GCNT2: variants seen among roughly 807,000 people sequenced by gnomAD.
GCNT2 encodes N-acetyllactosaminide beta-1,6-N-acetylglucosaminyl-transferase.
In GCNT2, 34 loss-of-function variants were observed where a neutral mutation model predicts 34.2. That is an observed-to-expected ratio of 1.00 (90% CI 0.76 to 1.32). The LOEUF (loss-of-function observed/expected upper bound fraction) is 1.32, where lower values mean the gene tolerates loss of function less well. Among genes scored for constraint, GCNT2 ranks in the 40% most tolerant of loss-of-function variants. The pLI is 0.00. For synonymous variants in GCNT2, 212 were observed against 188.0 expected (o/e 1.13, Z -1.04); for missense variants, 584 against 489.4 (o/e 1.19, Z -1.82).
At chr6:10,577,686 G>A (rs1400207286) in intron 3 of GCNT2, among the ~76,000 whole-genome samples, 4 of 151,920 alleles carry the variant, frequency 2.6e-5, no homozygotes, top group East Asian at 1.9e-4. Context: ...GATTACAGGC[G>A]TCTGCCACCA....
intron 3 of GCNT2, among the ~76,000 whole-genome samples, chr6:10,606,265 A>G (rs541430471): frequency 5.3e-5 from 8 of 152,344 alleles, no homozygotes; most frequent in Admixed American, 2.0e-4. Flanking sequence ...CAGTGAGCCA[A>G]GATCACGCTA....
intron 3 of GCNT2, among the ~76,000 whole-genome samples, chr6:10,561,446 A>ACC (rs1762977573): frequency 6.6e-6 from 1 of 152,166 alleles, no homozygotes; most frequent in Non-Finnish European, 1.5e-5. Flanking sequence ...ACAGGTATGA[A>ACC]CCACTGTGCC....
chr6:10,576,802 A>G (rs1763837087), intron 3 of GCNT2, among the ~76,000 whole-genome samples: 1 of 152,202 alleles, frequency 6.6e-6, no homozygotes, highest in Non-Finnish European at 1.5e-5. Context: ...AGCCGGATAC[A>G]GTGGCTCAAG....
chr6:10,617,228 C>T (rs1210340868), intron 3 of GCNT2, among the ~76,000 whole-genome samples: 1 of 152,186 alleles, frequency 6.6e-6, no homozygotes, highest in African/African-American at 2.4e-5. Flanking sequence ...TAAGGCCCAG[C>T]GAGAAATCCA....
intron 3 of GCNT2, among the ~76,000 whole-genome samples, chr6:10,615,982 T>G (rs1196490239): frequency 6.6e-6 from 1 of 152,220 alleles, no homozygotes; most frequent in Non-Finnish European, 1.5e-5. Context: ...CTCATCCTGC[T>G]ATGTCTGGAA....
At chr6:10,565,599 T>A (rs899497030) in intron 3 of GCNT2, among the ~76,000 whole-genome samples, 1 of 152,228 alleles carries the variant, frequency 6.6e-6, no homozygotes, top group African/African-American at 2.4e-5. Context: ...GCTTTGTTTC[T>A]TTGCAGTCAG....
At chr6:10,599,338 G>A (rs2127425775) in intron 3 of GCNT2, among the ~76,000 whole-genome samples, 1 of 152,324 alleles carries the variant, frequency 6.6e-6, no homozygotes, top group Non-Finnish European at 1.5e-5. Context: ...CTTGAAAAGA[G>A]AAAACCTAAC....
chr6:10,582,140 A>G (rs1361105057), intron 3 of GCNT2, among the ~76,000 whole-genome samples: 2 of 136,510 alleles, frequency 1.5e-5, no homozygotes, highest in Admixed American at 7.8e-5. Context: ...TGCATATATG[A>G]TATATTCATA....
intron 3 of GCNT2, among the ~76,000 whole-genome samples, chr6:10,532,098 G>A (rs1203745664): frequency 6.6e-6 from 1 of 152,108 alleles, no homozygotes; most frequent in African/African-American, 2.4e-5. Context: ...TCAATGGTGA[G>A]CAAAGCCAAG....
intron 3 of GCNT2, among the ~76,000 whole-genome samples, chr6:10,563,045 C>G (rs1000655795): frequency 6.6e-6 from 1 of 152,140 alleles, no homozygotes; most frequent in African/African-American, 2.4e-5. Context: ...ATCCCAGCTA[C>G]TCCAGAGGCT....
At chr6:10,556,727 C>G (rs1387767558) in intron 3 of GCNT2, 1 of 1,614,078 alleles carries the variant, frequency 6.2e-7, no homozygotes, top group Non-Finnish European at 8.5e-7. Flanking sequence ...AATGGTCATC[C>G]ATCATCACTT....
At chr6:10,549,212 C>CA (rs1358704656) in intron 3 of GCNT2, among the ~76,000 whole-genome samples, 14 of 152,250 alleles carry the variant, frequency 9.2e-5, no homozygotes, top group African/African-American at 2.2e-4. Context: ...TTTTTCAGCC[C>CA]AAAATGCCAA....
chr6:10,579,583 A>T (rs1763972172), intron 3 of GCNT2, among the ~76,000 whole-genome samples: 1 of 152,106 alleles, frequency 6.6e-6, no homozygotes, highest in Non-Finnish European at 1.5e-5. Flanking sequence ...TGTGAGGCTG[A>T]GGCGGGTGGA....
intron 3 of GCNT2, among the ~76,000 whole-genome samples, chr6:10,562,656 GAAA>G (rs57868433): frequency 0.28 from 21,224 of 76,328 alleles, 1,164 homozygotes; most frequent in East Asian, 0.38. Flanking sequence ...GAACTTCTCT[GAAA>G]AAAAAAAAAA....
At chr6:10,536,251 G>T (rs940190600) in intron 3 of GCNT2, among the ~76,000 whole-genome samples, 9 of 152,310 alleles carry the variant, frequency 5.9e-5, no homozygotes, top group Admixed American at 5.9e-4. Context: ...GATGCTAGGC[G>T]AATGGACAGA....
At chr6:10,595,786 T>C (rs1287624946) in intron 3 of GCNT2, among the ~76,000 whole-genome samples, 1 of 152,220 alleles carries the variant, frequency 6.6e-6, no homozygotes, top group Non-Finnish European at 1.5e-5. Flanking sequence ...AAAACAAATT[T>C]TGCCCATCCT....
At chr6:10,591,749 GAATTGTTGGCTT>G (rs1270359615) in intron 3 of GCNT2, among the ~76,000 whole-genome samples, 1 of 152,090 alleles carries the variant, frequency 6.6e-6, no homozygotes, top group East Asian at 1.9e-4. Flanking sequence ...GACTTCTCCT[GAATTGTTGGCTT>G]AGGAAAAAAA....
At chr6:10,598,041 A>G (rs946072088) in intron 3 of GCNT2, among the ~76,000 whole-genome samples, 3 of 152,206 alleles carry the variant, frequency 2.0e-5, no homozygotes, top group South Asian at 2.1e-4. Context: ...GGCCTTGGGC[A>G]TGTCACTTAA....
chr6:10,530,234 G>T, intron 3 of GCNT2: 1 of 186,288 alleles, frequency 5.4e-6, no homozygotes, highest in Non-Finnish European at 1.1e-5. Context: ...GCGTGGTGGT[G>T]CATGCCTGCA....
Sources: allele counts gnomAD v4.1 joint callset (sites outside exome capture counted in the v4.1 genomes callset), GRCh38; gene constraint gnomAD v4.1.1; transcripts MANE v1.5; gene names NCBI Gene and HGNC (gene_info 2026-07-23, HGNC 2026-07-21).